Variants in SLC25A43 observed in about 807,000 individuals in gnomAD.
SLC25A43 encodes the protein solute carrier family 25, member 43.
SLC25A43 carries 10 observed loss-of-function variants against 22.8 expected under a neutral mutation model. That is an observed-to-expected ratio of 0.44 (90% confidence interval 0.27 to 0.74). The LOEUF is 0.74. Among genes scored for constraint, SLC25A43 ranks in the 30% least tolerant of loss-of-function variants. SLC25A43 has a pLI of 0.17. For synonymous variants in SLC25A43, 106 were observed against 121.6 expected (o/e 0.87, Z 0.84); for missense variants, 233 against 279.1 (o/e 0.83, Z 1.18).
At chrX:119,434,039 G>T (rs1025879974) in intron 3 of SLC25A43, among the ~76,000 whole-genome samples, 4 of 111,751 alleles carry the variant, frequency 3.6e-5, no homozygotes, top group African/African-American at 1.3e-4. Context: ...TTGTAGTAGT[G>T]TGGGCAAAAG....
intron 3 of SLC25A43, among the ~76,000 whole-genome samples, chrX:119,441,459 G>A (rs759584710): frequency 3.7e-5 from 4 of 109,321 alleles, no homozygotes; most frequent in Admixed American, 2.0e-4. Context: ...GCTGTAGACC[G>A]GAGCTGTTCC....
At chrX:119,445,836 G>A (rs1259030041) in intron 3 of SLC25A43, among the ~76,000 whole-genome samples, 2 of 111,207 alleles carry the variant, frequency 1.8e-5, no homozygotes, top group East Asian at 5.6e-4. Context: ...GTAATCAGAA[G>A]GAGAGCAAGA....
chrX:119,404,016 T>TA (rs2052262905), intron 1 of SLC25A43, among the ~76,000 whole-genome samples: 1 of 104,887 alleles, frequency 9.5e-6, no homozygotes, highest in Non-Finnish European at 2.0e-5. Flanking sequence ...TTTTTTTTTT[T>TA]AAGACTGAGT....
At chrX:119,424,192 G>A (rs1256308374) in intron 3 of SLC25A43, among the ~76,000 whole-genome samples, 13 of 98,564 alleles carry the variant, frequency 1.3e-4, no homozygotes, top group African/African-American at 4.2e-4. Flanking sequence ...CAGCCTGGGC[G>A]ACAGAGCAAG....
At chrX:119,447,847 T>G (rs2052679372) in intron 3 of SLC25A43, among the ~76,000 whole-genome samples, 1 of 110,942 alleles carries the variant, frequency 9.0e-6, no homozygotes, top group Non-Finnish European at 1.9e-5. Context: ...TGATCTCATC[T>G]GGTCTCCTGG....
chrX:119,407,874 C>G (rs111823163), intron 2 of SLC25A43, among the ~76,000 whole-genome samples: 2,527 of 110,867 alleles, frequency 0.023, 62 homozygotes, highest in African/African-American at 0.074. Flanking sequence ...ACTCCACCCC[C>G]ACTTGAATCA....
chrX:119,434,264 G>C (rs2052578894), intron 3 of SLC25A43, among the ~76,000 whole-genome samples: 1 of 109,884 alleles, frequency 9.1e-6, no homozygotes, highest in Admixed American at 9.8e-5. Context: ...GGACAGTCAG[G>C]ATTGGAGTGG....
chrX:119,451,662 A>C (rs1181968223), intron 3 of SLC25A43, among the ~76,000 whole-genome samples: 2 of 111,908 alleles, frequency 1.8e-5, no homozygotes, highest in African/African-American at 6.5e-5. Flanking sequence ...AAAGACAAGG[A>C]AACAGAATAC....
chrX:119,447,740 G>A (rs1210554993), intron 3 of SLC25A43, among the ~76,000 whole-genome samples: 2 of 110,634 alleles, frequency 1.8e-5, no homozygotes, highest in Non-Finnish European at 3.8e-5. Flanking sequence ...TTGGCTTCCT[G>A]GACACCACAC....
chrX:119,425,600 A>G (rs1358012014), intron 3 of SLC25A43, among the ~76,000 whole-genome samples: 1 of 103,282 alleles, frequency 9.7e-6, no homozygotes, highest in Admixed American at 1.1e-4. Context: ...AAATTCTTCT[A>G]ACTGAGTAGC....
Position 119,399,436 on chromosome X carries a change from AGGCGGCCAAAGGCTGCTGTGCGCTG to A in SLC25A43, c.37_61del (p.Gly13TrpfsTer103). 1 of 1,024,531 alleles carries A rather than the reference AGGCGGCCAAAGGCTGCTGTGCGCTG, an allele frequency of 9.8e-7. No homozygotes were observed. Among genetic ancestry groups the A allele is most frequent in the Non-Finnish European group, 1.2e-6 (1 of 806,003 alleles). The allele number at this position is 1,024,531 out of a possible 1,213,427, so 84.4% of individuals were successfully genotyped here. ...CGTGGAGGCGGGACGGCCGACTGAC[AGGCGGCCAAAGGCTGCTGTGCGCTG>A]GGCTGGCGGGGACGCTCAGCCTCAG... is the stretch of plus-strand genomic sequence containing the variant. On this transcript the variant is annotated frameshift_variant, in exon 1 of 5. Transcript: ENST00000217909. LOFTEE classifies it high-confidence loss of function.
chrX:119,424,996 G>A (rs1286960870), intron 3 of SLC25A43, among the ~76,000 whole-genome samples: 4 of 112,166 alleles, frequency 3.6e-5, no homozygotes, highest in African/African-American at 9.7e-5. Context: ...ATTTTGGGAG[G>A]ACACAAACAC....
chrX:119,401,645 G>A (rs750712768), intron 1 of SLC25A43, among the ~76,000 whole-genome samples: 1 of 109,811 alleles, frequency 9.1e-6, no homozygotes, highest in African/African-American at 3.3e-5. Context: ...CAGAAAAGCA[G>A]GTTGGAATGA....
At chrX:119,441,377 C>T (rs1179160829) in intron 3 of SLC25A43, among the ~76,000 whole-genome samples, 2 of 94,051 alleles carry the variant, frequency 2.1e-5, no homozygotes, top group Admixed American at 2.4e-4. Context: ...TCTGGCACTC[C>T]CTAGTGAGAT....
intron 2 of SLC25A43, among the ~76,000 whole-genome samples, chrX:119,408,658 A>C (rs36090392): frequency 0.011 from 1,264 of 112,317 alleles, 21 homozygotes; most frequent in African/African-American, 0.038. Context: ...AAAGATAAGC[A>C]ATTTCACTTG....
chrX:119,443,722 T>TTTTATTTA (rs771760005), intron 3 of SLC25A43, among the ~76,000 whole-genome samples: 1 of 106,764 alleles, frequency 9.4e-6, no homozygotes, highest in African/African-American at 3.4e-5. Flanking sequence ...GAGAATTATT[T>TTTTATTTA]TTTATTTATT....
chrX:119,405,054 A>G (rs1039554992), intron 1 of SLC25A43, among the ~76,000 whole-genome samples: 12 of 111,242 alleles, frequency 1.1e-4, no homozygotes, highest in African/African-American at 3.6e-4. Flanking sequence ...GGTCAAAGAG[A>G]GAAAGATTCT....
chrX:119,399,697 CG>C lies in SLC25A43; in HGVS notation c.275+23del. 1 of 701,376 alleles carries C rather than the reference CG, an allele frequency of 1.4e-6. No individual in the cohort carries two copies. Among genetic ancestry groups the C allele is most frequent in the Non-Finnish European group, 1.8e-6 (1 of 565,912 alleles). The allele number at this position is 701,376 out of a possible 1,213,427, so 57.8% of individuals were successfully genotyped here. ...ACCGCAAGTAAGAGCCGGGCGGGGC[CG>C]GGGAACCGGGAGACCGGACGGGGGT... is the stretch of plus-strand genomic sequence containing the variant. On this transcript the variant is annotated intron_variant, in intron 1 of 4. Coordinates refer to ENST00000217909, the MANE Select transcript of SLC25A43 (RefSeq NM_145305.3).
chrX:119,446,485 G>T (rs950122442), intron 3 of SLC25A43, among the ~76,000 whole-genome samples: 3 of 112,520 alleles, frequency 2.7e-5, no homozygotes, highest in African/African-American at 9.7e-5. Context: ...ATAAATGTCA[G>T]CAGCTATGCA....
Sources: gnomAD v4.1 joint callset for allele counts (sites outside exome capture counted in the v4.1 genomes callset) on GRCh38, gnomAD v4.1.1 for gene constraint, MANE v1.5 for transcripts, NCBI Gene and HGNC (gene_info 2026-07-23, HGNC 2026-07-21) for gene names.